The following AGBL5 variants were observed in gnomAD, a reference collection of about 807,000 sequenced individuals.
AGBL5 encodes AGBL carboxypeptidase 5.
AGBL5 carries 51 observed loss-of-function variants against 88.0 expected under a neutral mutation model. That is an observed-to-expected ratio of 0.58 (90% CI 0.46 to 0.73). The LOEUF is 0.73. Among genes scored for constraint, AGBL5 ranks in the 30% least tolerant of loss-of-function variants. The pLI is 0.00. For synonymous variants in AGBL5, 446 were observed against 438.8 expected (o/e 1.02, Z -0.21); for missense variants, 1,031 against 1,162.2 (o/e 0.89, Z 1.64).
intron 11 of AGBL5, among the ~76,000 whole-genome samples, chr2:27,060,232 G>A (rs1005023233): frequency 6.6e-6 from 1 of 152,192 alleles, no homozygotes; most frequent in Non-Finnish European, 1.5e-5. Context: ...TCTTTTCTAG[G>A]TATAAAATGC....
intron 9 of AGBL5, among the ~76,000 whole-genome samples, 163 bp downstream of exon 9, chr2:27,057,601 T>C (rs1668502346): frequency 6.6e-6 from 1 of 152,244 alleles, no homozygotes; most frequent in South Asian, 2.1e-4. Flanking sequence ...TAACTACAAC[T>C]GTAATAGTAT....
chr2:27,070,368 G>C lies in AGBL5; in HGVS notation c.*105G>C. 1 of 1,257,180 alleles carries C rather than the reference G, an allele frequency of 8.0e-7. No homozygotes were observed. Among genetic ancestry groups the C allele is most frequent in the Admixed American group, 1.9e-5 (1 of 53,952 alleles). 77.9% of individuals were successfully genotyped at this position (1,257,180 alleles called of 1,614,324 possible). A position where few individuals can be genotyped will look rare whatever the true frequency, so the allele number is the denominator to read the frequency against. On this transcript the variant is annotated 3_prime_UTR_variant, in exon 15 of 15. Transcript: ENST00000360131. ...GCTGATTCCATGTGACAGCCGTTAA[G>C]TCCTTGGAATGCCAGCCACGCTGTC...
Position 27,054,028 on chromosome 2 carries a change from C to G in AGBL5, c.520C>G (p.Arg174Gly), listed in dbSNP as rs981921240. The change falls in exon 4 of 15, where the codon CGC becomes GGC. Residue 174 changes from arginine to glycine, a missense_variant. Arg to Gly is a moderately radical substitution (Grantham distance 125). Around this residue, in one of 2 missense-constraint regions of AGBL5, gnomAD observed 540 missense variants for 678.2 expected, o/e 0.80. Transcript: ENST00000360131. The part of the protein sequence containing the change: ...CQELLNQLDQ[R>G]FPENHPTHSS... ...GGAACTGCTAAACCAGCTAGACCAG[C>G]GCTTTCCGGAGAACCACCCTACCCA... 6.2e-7 allele frequency: 1 copy of G among 1,613,766 alleles called. No individual in the cohort carries two copies. The highest frequency in any genetic ancestry group is 1.3e-5 in the African/African-American group (1 of 74,926).
In AGBL5 at chr2:27,067,517, C is replaced by A; in HGVS notation, c.2113C>A (p.Arg705=). Residue 705 remains arginine, a synonymous_variant, in exon 12 of 15, where the codon CGG becomes AGG. Coordinates refer to ENST00000360131, the MANE Select transcript of AGBL5 (RefSeq NM_021831.6). ...VREPRSQDRR[R]QQQPLNHRPA... Reference sequence around the variant, plus strand: ...AGAGCCCCGAAGCCAGGACAGGAGACGGCAGCAGCAGCCCCTGAACCATCG... The same window carrying A: ...AGAGCCCCGAAGCCAGGACAGGAGAAGGCAGCAGCAGCCCCTGAACCATCG... The A allele has an allele frequency of 6.2e-7, 1 of 1,614,062 alleles. No individual in the cohort carries two copies. The highest frequency in any genetic ancestry group is 1.7e-5 in the Admixed American group (1 of 60,004).
intron 10 of AGBL5, 123 bp from the exon 11 acceptor site, chr2:27,059,067 C>T: frequency 1.1e-6 from 1 of 911,640 alleles, no homozygotes; most frequent in Admixed American, 2.3e-5. Context: ...TCACTTCTTC[C>T]TTGGGATGGG....
rs971999569 is a variant in AGBL5, at chr2:27,051,707, GGGGCCCGGGTGGA to G, written c.-121_-109del. 5 of 152,362 alleles carry G rather than the reference GGGGCCCGGGTGGA, an allele frequency of 3.3e-5. No homozygotes were observed. The highest frequency in any genetic ancestry group is 1.9e-4 in the East Asian group (1 of 5,178). 9.4% of individuals were successfully genotyped at this position (152,362 alleles called of 1,614,324 possible). On this transcript the variant is annotated 5_prime_UTR_variant, in exon 1 of 15. Transcript: ENST00000360131. ...GCACCGCGGCGCTCGGGTGTTTTTG[GGGGCCCGGGTGGA>G]GGGCCCGGGTGCCGGGGCCCAAGGT...
chr2:27,065,020 G>C (rs961366299), intron 11 of AGBL5, among the ~76,000 whole-genome samples: 29 of 151,876 alleles, frequency 1.9e-4, no homozygotes, highest in Non-Finnish European at 3.1e-4. Context: ...TCCCAAAGTG[G>C]TGGGATTACA....
chr2:27,066,378 TGAAA>T (rs1668989544), intron 11 of AGBL5, among the ~76,000 whole-genome samples: 1 of 151,624 alleles, frequency 6.6e-6, no homozygotes, highest in South Asian at 2.1e-4. Flanking sequence ...ACAGGGAGAA[TGAAA>T]GAAAGGGAGA....
chr2:27,064,128 T>C (rs1387506905), intron 11 of AGBL5, among the ~76,000 whole-genome samples: 4 of 152,158 alleles, frequency 2.6e-5, no homozygotes, highest in South Asian at 2.1e-4. Flanking sequence ...CATCCTGACA[T>C]CCATTTTAAT....
upstream of AGBL5, chr2:27,051,372 C>T (rs892697130): frequency 6.6e-5 from 10 of 152,336 alleles, no homozygotes; most frequent in African/African-American, 2.4e-4. Context: ...TTTAGAGACA[C>T]AAGACTGTTA....
chr2:27,069,083 C>A, intron 13 of AGBL5: 1 of 1,350,428 alleles, frequency 7.4e-7, no homozygotes, highest in Non-Finnish European at 9.7e-7. Flanking sequence ...GGAGGGGTCC[C>A]GGATTCCCCA....
intron 14 of AGBL5, 34 bp downstream of exon 14, chr2:27,069,740 CT>C (rs1481538783): frequency 1.3e-6 from 2 of 1,587,458 alleles, no homozygotes; most frequent in Non-Finnish European, 1.7e-6. Context: ...CACACCACCC[CT>C]CACTTCTGTC....
intron 13 of AGBL5, 200 bp from the exon 14 acceptor site, chr2:27,069,373 T>C (rs371688805): frequency 1.0e-6 from 1 of 985,412 alleles, no homozygotes; most frequent in South Asian, 4.7e-5. Context: ...GTTATAGACT[T>C]GGAGTGCATA....
At chr2:27,062,224 A>C (rs1259200635) in intron 11 of AGBL5, among the ~76,000 whole-genome samples, 2 of 150,684 alleles carry the variant, frequency 1.3e-5, no homozygotes, top group African/African-American at 4.9e-5. Context: ...CCCAAGTTCA[A>C]GTGATTATCC....
rs562779146 is a variant in AGBL5, at chr2:27,064,327, G to A, written c.2090-3167G>A. On this transcript the variant is annotated intron_variant, in intron 11 of 14. Transcript: ENST00000360131. ...TTTTTTTTTTTTTTGAGACAGTCTCGCTCTGTCACCCAGGCTGGAGTGCAG... is the reference window on the plus strand; with the variant it reads ...TTTTTTTTTTTTTTGAGACAGTCTCACTCTGTCACCCAGGCTGGAGTGCAG... 1.5e-3 allele frequency among the ~76,000 whole-genome samples: 217 copies of A among 146,626 alleles called. 1 individual carries two copies. The highest frequency in any genetic ancestry group is 2.5e-3 in the Non-Finnish European group (165 of 67,128).
intron 7 of AGBL5, chr2:27,056,392 G>C: frequency 1.7e-6 from 1 of 592,988 alleles, no homozygotes. Flanking sequence ...ATCCAGAGAA[G>C]GAAAATTTTG....
At chr2:27,054,207 G>C (rs139394610) in intron 4 of AGBL5, 148 bp downstream of exon 4, 8 of 1,004,586 alleles carry the variant, frequency 8.0e-6, no homozygotes, top group African/African-American at 1.6e-5. Context: ...GGGTACCTTT[G>C]AAAACTATGT....
At chr2:27,069,031 C>T in intron 13 of AGBL5, 1 of 1,397,860 alleles carries the variant, frequency 7.2e-7, no homozygotes, top group South Asian at 1.2e-5. Flanking sequence ...CTTAGCTTCT[C>T]CTCTCTTTCT....
chr2:27,057,090 A>G, intron 8 of AGBL5: 1 of 568,632 alleles, frequency 1.8e-6, no homozygotes, highest in Non-Finnish European at 3.0e-6. Flanking sequence ...AATTAGCATT[A>G]TTGTCTTTAG....
Sources: allele counts gnomAD v4.1 joint callset (sites outside exome capture counted in the v4.1 genomes callset), GRCh38; gene constraint gnomAD v4.1.1; regional missense constraint gnomAD v4.1.1; transcripts MANE v1.5; gene names NCBI Gene and HGNC (gene_info 2026-07-23, HGNC 2026-07-21).